The following DENND1A variants were observed in gnomAD, a reference collection of about 807,000 sequenced individuals.
The protein encoded by DENND1A is DENN domain-containing protein 1A.
In DENND1A, 51 loss-of-function variants were observed where a neutral mutation model predicts 113.7. That is an observed-to-expected ratio of 0.45 (90% confidence interval 0.36 to 0.57). The LOEUF is 0.57. DENND1A is among the 20% of genes least tolerant of loss of function. The pLI is 0.00. For missense variants in DENND1A, 1,258 were observed against 1,395.9 expected, an observed-to-expected ratio of 0.90 and a Z score of 1.57; for synonymous variants, 565 against 570.8, an observed-to-expected ratio of 0.99 and a Z score of 0.14.
chr9:123,817,677 T>A (rs1441129681), intron 2 of DENND1A, among the ~76,000 whole-genome samples: 1 of 152,186 alleles, frequency 6.6e-6, no homozygotes, highest in Admixed American at 6.5e-5. Flanking sequence ...ATTATAAACA[T>A]CTTAAAAATG....
At position 123,928,920 on chromosome 9, in the gene DENND1A, T is replaced by G. The variant is rs1857550529; in HGVS notation, c.17+969A>C. 19 of 984,254 alleles carry G rather than the reference T, an allele frequency of 1.9e-5. No individual in the cohort carries two copies. The South Asian group carries it at 8.5e-4, about 44-fold the overall frequency. 61.0% of individuals were successfully genotyped at this position (984,254 alleles called of 1,614,324 possible). A position where few individuals can be genotyped will look rare whatever the true frequency, so the allele number is the denominator to read the frequency against. On this transcript the variant is annotated intron_variant, in intron 1 of 23. Transcript: ENST00000394215. ...AAAGCCTATGCTGTCAACTTTGCTT[T>G]TTAATGCCCTTAAACAATTCTATTA...
chr9:123,794,504 C>T (rs954229210), intron 2 of DENND1A, among the ~76,000 whole-genome samples: 1 of 152,130 alleles, frequency 6.6e-6, no homozygotes, highest in African/African-American at 2.4e-5. Context: ...AAACTTCATA[C>T]AAAAATTACT....
At chr9:123,832,793 T>C (rs1335720704) in intron 2 of DENND1A, among the ~76,000 whole-genome samples, 1 of 152,092 alleles carries the variant, frequency 6.6e-6, no homozygotes, top group Non-Finnish European at 1.5e-5. Context: ...TATAACTCCA[T>C]GTATATATGT....
At chr9:123,564,980 CTTTTTTTT>C (rs199613371) in intron 12 of DENND1A, among the ~76,000 whole-genome samples, 10 of 75,722 alleles carry the variant, frequency 1.3e-4, no homozygotes, top group African/African-American at 3.7e-4. Flanking sequence ...TCTGTCCCTT[CTTTTTTTT>C]TTTTTTTTTT....
intron 5 of DENND1A, among the ~76,000 whole-genome samples, chr9:123,685,203 G>A (rs146638470): frequency 5.3e-5 from 8 of 152,244 alleles, no homozygotes; most frequent in Non-Finnish European, 7.4e-5. Context: ...TGATAATACC[G>A]TACTCTTTGA....
intron 9 of DENND1A, among the ~76,000 whole-genome samples, chr9:123,644,970 G>A (rs2139191609): frequency 6.6e-6 from 1 of 152,264 alleles, no homozygotes; most frequent in Non-Finnish European, 1.5e-5. Context: ...AAATATGGAA[G>A]AAAAATGGGG....
intron 2 of DENND1A, among the ~76,000 whole-genome samples, chr9:123,854,809 C>G (rs1048616712): frequency 6.6e-6 from 1 of 151,154 alleles, no homozygotes; most frequent in Non-Finnish European, 1.5e-5. Context: ...CCTCTTCTGT[C>G]TCTTGGTCGA....
At chr9:123,722,210 G>A (rs1190141152) in intron 5 of DENND1A, among the ~76,000 whole-genome samples, 1 of 152,188 alleles carries the variant, frequency 6.6e-6, no homozygotes, top group African/African-American at 2.4e-5. Context: ...GTGGAACTTT[G>A]TACTTGAGAA....
rs2131627053 is a variant in DENND1A, at chr9:123,769,840, G to A, written c.133-277C>T. 2.0e-5 allele frequency among the ~76,000 whole-genome samples: 3 copies of A among 152,290 alleles called. No individual in the cohort carries two copies. The South Asian group carries it at 6.2e-4, about 32-fold the overall frequency. On this transcript the variant is annotated intron_variant, in intron 3 of 23. Transcript: ENST00000394215. ...GCTCTGAAGGGAGGGAGGCGGTTGG[G>A]TTGCTGAGTGTTAACACCCCTCCAG...
intron 8 of DENND1A, among the ~76,000 whole-genome samples, chr9:123,657,204 G>A (rs763735584): frequency 2.2e-4 from 34 of 152,170 alleles, no homozygotes; most frequent in Non-Finnish European, 4.1e-4. Flanking sequence ...GGTCAAGTGC[G>A]AACCCCCTGT....
intron 21 of DENND1A, among the ~76,000 whole-genome samples, chr9:123,395,468 C>CTGTGTGTGTGTGTGTGTGTGTGTG (rs60527655): frequency 2.8e-5 from 4 of 142,888 alleles, no homozygotes; most frequent in African/African-American, 1.1e-4. Flanking sequence ...CTCTCTCTCT[C>CTGTGTGTGTGTGTGTGTGTGTGTG]TGTGTGTGTG....
chr9:123,693,825 T>A (rs1359236996), intron 5 of DENND1A, among the ~76,000 whole-genome samples: 1 of 147,518 alleles, frequency 6.8e-6, no homozygotes, highest in African/African-American at 2.5e-5. Flanking sequence ...ATTATTATTA[T>A]TATTATTATT....
chr9:123,905,726 A>G lies in DENND1A; in HGVS notation c.17+24163T>C, dbSNP rs941331504. Reference sequence around the variant, plus strand: ...ATAAAGCAAGTCCTGAGTGACCTACAAAGAGACTTAGACTCCCACACATTA... The same window carrying G: ...ATAAAGCAAGTCCTGAGTGACCTACGAAGAGACTTAGACTCCCACACATTA... On this transcript the variant is annotated intron_variant, in intron 1 of 23. Transcript: ENST00000394215. 5.0e-3 allele frequency among the ~76,000 whole-genome samples: 758 copies of G among 151,384 alleles called. 7 individuals carry two copies. Among genetic ancestry groups the G allele is most frequent in the African/African-American group, 0.017 (682 of 41,274 alleles).
chr9:123,889,139 T>C, intron 1 of DENND1A, among the ~76,000 whole-genome samples: 1 of 152,122 alleles, frequency 6.6e-6, no homozygotes. Flanking sequence ...CTCACAGGAA[T>C]GACATGTGGT....
At chr9:123,682,711 C>T (rs1025804351) in intron 5 of DENND1A, among the ~76,000 whole-genome samples, 10 of 152,090 alleles carry the variant, frequency 6.6e-5, no homozygotes, top group Admixed American at 2.6e-4. Context: ...CTCGAGAAAG[C>T]GGTCTTCCCA....
At chr9:123,647,043 C>T (rs1246748193) in intron 9 of DENND1A, among the ~76,000 whole-genome samples, 2 of 152,174 alleles carry the variant, frequency 1.3e-5, no homozygotes, top group Non-Finnish European at 2.9e-5. Context: ...GTTTCCAGAA[C>T]TGCCACTGCC....
chr9:123,901,535 T>C (rs1051143977), intron 1 of DENND1A, among the ~76,000 whole-genome samples: 3 of 152,146 alleles, frequency 2.0e-5, no homozygotes, highest in African/African-American at 7.2e-5. Flanking sequence ...ACACTTAATA[T>C]AACCCATATC....
At chr9:123,530,100 G>T (rs538309786) in intron 13 of DENND1A, among the ~76,000 whole-genome samples, 1 of 152,114 alleles carries the variant, frequency 6.6e-6, no homozygotes, top group Non-Finnish European at 1.5e-5. Context: ...GGGAAATGCC[G>T]ACATGTTTAT....
chr9:123,605,028 G>A (rs190304801), intron 11 of DENND1A, among the ~76,000 whole-genome samples: 5 of 152,278 alleles, frequency 3.3e-5, no homozygotes, highest in African/African-American at 1.2e-4. Context: ...GTTTACAGGT[G>A]AGAAAATAGA....
Sources: allele counts gnomAD v4.1 joint callset (sites outside exome capture counted in the v4.1 genomes callset), GRCh38; gene constraint gnomAD v4.1.1; transcripts MANE v1.5; gene names NCBI Gene and HGNC (gene_info 2026-07-23, HGNC 2026-07-21).